BMP7: variants seen among roughly 807,000 people sequenced by gnomAD.
The protein encoded by BMP7 is bone morphogenetic protein 7, also known as osteogenic protein 1.
Under a neutral mutation model 41.2 loss-of-function variants are expected in BMP7, and 12 were observed. The ratio of observed to expected loss-of-function variants is 0.29; its 90% CI spans 0.19 to 0.47. The LOEUF (loss-of-function observed/expected upper bound fraction) is 0.47. BMP7 is among the 20% of genes least tolerant of loss of function. The probability of loss-of-function intolerance (pLI) is 0.99; values close to 1 mark genes in which losing one functional copy is unlikely to be tolerated. For synonymous variants in BMP7, 248 were observed against 250.0 expected (o/e 0.99, Z 0.07); for missense variants, 467 against 606.0 (o/e 0.77, Z 2.41).
intron 1 of BMP7, among the ~76,000 whole-genome samples, chr20:57,260,972 G>A (rs6014967): frequency 0.31 from 46,482 of 152,126 alleles, 8,230 homozygotes; most frequent in African/African-American, 0.49. Flanking sequence ...GTGGAGACGG[G>A]GGAGACTTAG....
At chr20:57,255,402 C>T (rs1337560522) in intron 1 of BMP7, among the ~76,000 whole-genome samples, 1 of 152,180 alleles carries the variant, frequency 6.6e-6, no homozygotes, top group Non-Finnish European at 1.5e-5. Flanking sequence ...GGTCTTAGCC[C>T]TCTGAGGTCT....
At chr20:57,208,272 G>A (rs920496923) in intron 2 of BMP7, among the ~76,000 whole-genome samples, 1 of 152,180 alleles carries the variant, frequency 6.6e-6, no homozygotes, top group South Asian at 2.1e-4. Context: ...AATAGAGAAG[G>A]CTAATTTGAA....
intron 4 of BMP7, among the ~76,000 whole-genome samples, chr20:57,179,444 G>A (rs1984019495): frequency 6.6e-6 from 1 of 152,260 alleles, no homozygotes; most frequent in African/African-American, 2.4e-5. Context: ...AGGGAGCTGG[G>A]TCCAAACGTG....
At chr20:57,230,976 C>T (rs577486269) in intron 1 of BMP7, among the ~76,000 whole-genome samples, 18 of 152,226 alleles carry the variant, frequency 1.2e-4, no homozygotes, top group Non-Finnish European at 2.4e-4. Context: ...CACGCCTGGC[C>T]GTTTGCCAGA....
chr20:57,257,406 A>G (rs955364809), intron 1 of BMP7, among the ~76,000 whole-genome samples: 1 of 152,196 alleles, frequency 6.6e-6, no homozygotes, highest in African/African-American at 2.4e-5. Flanking sequence ...TTAAATGTAT[A>G]TTGTTAATTA....
chr20:57,196,922 G>C (rs1183162249), intron 3 of BMP7, among the ~76,000 whole-genome samples: 1 of 150,518 alleles, frequency 6.6e-6, no homozygotes, highest in East Asian at 2.0e-4. Context: ...TTTTTTTTGA[G>C]ACAGAGTCCC....
chr20:57,248,279 A>G (rs7271905), intron 1 of BMP7, among the ~76,000 whole-genome samples: 1 of 152,212 alleles, frequency 6.6e-6, no homozygotes, highest in Admixed American at 6.5e-5. Context: ...AACCATTTCA[A>G]TCATTTGAAT....
At chr20:57,173,057 TA>T in intron 6 of BMP7, 142 bp downstream of exon 6, 1 of 813,350 alleles carries the variant, frequency 1.2e-6, no homozygotes, top group Non-Finnish European at 2.1e-6. Flanking sequence ...GATTTTTTTT[TA>T]ACGGCGCAAG....
rs140926284 is a variant in BMP7 at position 57,259,618 on chromosome 20, A to G, written c.418+6087T>C. Among the ~76,000 whole-genome samples the G allele has an allele frequency of 1.2e-4, 18 of 152,306 alleles. No homozygotes were observed. The East Asian group carries it at 3.5e-3, about 29-fold the overall frequency. Reference sequence around the variant, plus strand: ...GTGCTCTCGGAGTTGTCATTAATTCAATCCACTCCACGCGGATCAGCACAG... The same window carrying G: ...GTGCTCTCGGAGTTGTCATTAATTCGATCCACTCCACGCGGATCAGCACAG... On this transcript the variant is annotated intron_variant, in intron 1 of 6. Coordinates refer to ENST00000395863, the MANE Select transcript of BMP7 (RefSeq NM_001719.3). The surrounding 1 kb of genome is among the most constrained non-coding windows in gnomAD (Gnocchi z 4.7).
intron 4 of BMP7, among the ~76,000 whole-genome samples, chr20:57,179,286 A>G (rs1413462119): frequency 2.6e-5 from 4 of 152,216 alleles, no homozygotes; most frequent in Admixed American, 2.6e-4. Context: ...CCCCCAAGCA[A>G]CAGAAAGTGA....
intron 4 of BMP7, among the ~76,000 whole-genome samples, chr20:57,179,336 C>T (rs1385085633): frequency 1.3e-5 from 2 of 152,268 alleles, no homozygotes; most frequent in East Asian, 3.8e-4. Context: ...GATTCATCCA[C>T]CTCCTCAACC....
intron 2 of BMP7, among the ~76,000 whole-genome samples, chr20:57,227,361 T>C (rs1033469246): frequency 2.0e-5 from 3 of 152,178 alleles, no homozygotes; most frequent in African/African-American, 7.2e-5. Context: ...AGTTTTGTTT[T>C]CTTGGTACTT....
intron 3 of BMP7, among the ~76,000 whole-genome samples, chr20:57,198,611 C>T (rs1984556409): frequency 6.6e-6 from 1 of 152,164 alleles, no homozygotes; most frequent in Admixed American, 6.5e-5. Flanking sequence ...ACAGGAGGGC[C>T]CAGCTGGGAG....
At chr20:57,238,228 A>G (rs895034845) in intron 1 of BMP7, among the ~76,000 whole-genome samples, 16 of 152,202 alleles carry the variant, frequency 1.1e-4, no homozygotes, top group Admixed American at 5.9e-4. Flanking sequence ...TCCTTTTGTG[A>G]CCGGCTTATT....
At chr20:57,238,940 T>G (rs1307612758) in intron 1 of BMP7, among the ~76,000 whole-genome samples, 1 of 152,042 alleles carries the variant, frequency 6.6e-6, no homozygotes, top group Non-Finnish European at 1.5e-5. Flanking sequence ...CCACAACACA[T>G]GGGCATTCTG....
At position 57,262,187 on chromosome 20, in the gene BMP7, C is replaced by T. The variant is rs139681214; in HGVS notation, c.418+3518G>A. 5.9e-3 allele frequency among the ~76,000 whole-genome samples: 902 copies of T among 152,334 alleles called. 4 individuals carry two copies. Among genetic ancestry groups the T allele is most frequent in the Admixed American group, 9.4e-3 (143 of 15,290 alleles). On this transcript the variant is annotated intron_variant, in intron 1 of 6. Coordinates refer to ENST00000395863, the MANE Select transcript of BMP7 (RefSeq NM_001719.3). ...TTCCCAGAGAAAGAATGGTAACGGGCTATGGCTAGATGCAGTGTGCGGAGT... is the reference window on the plus strand; with the variant it reads ...TTCCCAGAGAAAGAATGGTAACGGGTTATGGCTAGATGCAGTGTGCGGAGT...
chr20:57,216,193 C>T (rs559094659), intron 2 of BMP7, among the ~76,000 whole-genome samples: 16 of 152,254 alleles, frequency 1.1e-4, no homozygotes, highest in African/African-American at 3.4e-4. Flanking sequence ...TAGGCCCTCA[C>T]CAGGTCCCAG....
At chr20:57,196,961 G>A (rs763794694) in intron 3 of BMP7, among the ~76,000 whole-genome samples, 26 of 151,928 alleles carry the variant, frequency 1.7e-4, no homozygotes, top group Non-Finnish European at 3.7e-4. Flanking sequence ...GAGTGCGGTA[G>A]TATGATCTCG....
At chr20:57,230,338 T>C (rs1039532127) in intron 1 of BMP7, among the ~76,000 whole-genome samples, 2 of 152,006 alleles carry the variant, frequency 1.3e-5, no homozygotes, top group African/African-American at 2.4e-5. Context: ...GGGAACCAAG[T>C]GAGCCTCGGG....
Sources: gnomAD v4.1 joint callset for allele counts (sites outside exome capture counted in the v4.1 genomes callset) on GRCh38, gnomAD v4.1.1 for gene constraint, Gnocchi (gnomAD v3.1) non-coding constraint, MANE v1.5 for transcripts, NCBI Gene and HGNC (gene_info 2026-07-23, HGNC 2026-07-21) for gene names.